MMRN2: variants seen among roughly 807,000 people sequenced by gnomAD.
MMRN2 encodes the protein multimerin-2.
Under a neutral mutation model 68.8 loss-of-function variants are expected in MMRN2, and 53 were observed. The observed-to-expected ratio is 0.77, with a 90% CI of 0.62 to 0.97. MMRN2 has a LOEUF of 0.97. Ranked by LOEUF, MMRN2 falls within the 50% of genes least tolerant of loss-of-function variation. The pLI is 0.00. For missense variants in MMRN2, 1,266 were observed against 1,259.5 expected (o/e 1.01, Z -0.08); for synonymous variants, 564 against 551.6 (o/e 1.02, Z -0.32).
chr10:86,950,248 G>A (rs1256903730), intron 1 of MMRN2, among the ~76,000 whole-genome samples: 1 of 117,050 alleles, frequency 8.5e-6, no homozygotes, highest in East Asian at 2.1e-4. Flanking sequence ...GGCTGAGGCA[G>A]AAGAATCGCT....
At chr10:86,949,472 G>A (rs1844115270) in intron 1 of MMRN2, 2 of 151,420 alleles carry the variant, frequency 1.3e-5, no homozygotes, top group East Asian at 1.9e-4. Flanking sequence ...TGAGGTGGGA[G>A]AACTGCTTGA....
At position 86,936,088 on chromosome 10, in the gene MMRN2, T is replaced by G. The variant is rs1288293323; in HGVS notation, c.*655A>C. The G allele has an allele frequency of 4.5e-6, 1 of 220,466 alleles. No individual in the cohort carries two copies. The highest frequency in any genetic ancestry group is 8.9e-5 in the East Asian group (1 of 11,254). 13.7% of individuals were successfully genotyped at this position (220,466 alleles called of 1,614,324 possible). ...CCTCCACCTGATCTCTCCCTTGATGTGGGGATTATAGGGATTACAATTCAA... is the reference window on the plus strand; with the variant it reads ...CCTCCACCTGATCTCTCCCTTGATGGGGGGATTATAGGGATTACAATTCAA... On this transcript the variant is annotated 3_prime_UTR_variant, in exon 7 of 7. Transcript: ENST00000372027.
intron 4 of MMRN2, 42 bp from the exon 5 acceptor site, chr10:86,944,477 AG>A (rs764568931): frequency 1.2e-6 from 2 of 1,601,320 alleles, no homozygotes; most frequent in South Asian, 2.2e-5. Context: ...CTAACTCACC[AG>A]GCCTGGGAAG....
At chr10:86,954,240 G>A (rs1844185587) in intron 1 of MMRN2, 1 of 152,546 alleles carries the variant, frequency 6.6e-6, no homozygotes, top group South Asian at 2.1e-4. Context: ...GGGCTCCTCT[G>A]GCCTGGTTTG....
At chr10:86,947,770 A>T (rs1844089234) in intron 1 of MMRN2, among the ~76,000 whole-genome samples, 2 of 152,190 alleles carry the variant, frequency 1.3e-5, no homozygotes, top group Non-Finnish European at 2.9e-5. Context: ...CGAGAGGAAA[A>T]GACCCAAAGC....
chr10:86,943,378 A>C lies in MMRN2; in HGVS notation c.1406T>G (p.Leu469Arg). Residue 469 changes from leucine (L) to arginine (R), a missense_variant, in exon 6 of 7, where the codon CTG (leucine) becomes CGG (arginine). By Grantham distance (102) the Leu-to-Arg change is moderately radical. Transcript: ENST00000372027. The surrounding 1 kb of genome is among the most constrained non-coding windows in gnomAD (Gnocchi z 4.2). ...ENKEEVERQL[L>R]ELNLTLQHLQ... ...GTGCTGCAGCGTGAGGTTGAGCTCCAGGAGCTGCCGCTCCACCTCCTCCTT... is the reference window on the plus strand; with the variant it reads ...GTGCTGCAGCGTGAGGTTGAGCTCCCGGAGCTGCCGCTCCACCTCCTCCTT... The C allele has an allele frequency of 6.2e-7, 1 of 1,613,986 alleles. No individual in the cohort carries two copies. Among genetic ancestry groups the C allele is most frequent in the Non-Finnish European group, 8.5e-7 (1 of 1,179,996 alleles).
chr10:86,957,200 G>C (rs1242446784), intron 1 of MMRN2, among the ~76,000 whole-genome samples, 178 bp downstream of exon 1: 1 of 152,228 alleles, frequency 6.6e-6, no homozygotes, highest in Non-Finnish European at 1.5e-5. Context: ...CAATTCTTAG[G>C]TGGATCCTGA....
At chr10:86,939,671 C>CT (rs1308974149) in intron 6 of MMRN2, among the ~76,000 whole-genome samples, 2 of 151,646 alleles carry the variant, frequency 1.3e-5, no homozygotes, top group African/African-American at 2.4e-5. Flanking sequence ...AGAGAGAGAC[C>CT]CCCACCCCAA....
intron 1 of MMRN2, among the ~76,000 whole-genome samples, chr10:86,955,683 G>A (rs961596238): frequency 6.6e-6 from 1 of 152,234 alleles, no homozygotes; most frequent in African/African-American, 2.4e-5. Flanking sequence ...ACAGGAGCAA[G>A]GGAAGTAATC....
At chr10:86,946,879 A>G (rs1844077403) in intron 1 of MMRN2, among the ~76,000 whole-genome samples, 1 of 152,156 alleles carries the variant, frequency 6.6e-6, no homozygotes, top group Non-Finnish European at 1.5e-5. Context: ...ATCTGCAGAG[A>G]CTTTCAGGAG....
rs528440508 is a variant in MMRN2 at position 86,945,829 on chromosome 10, C to G, written c.165-140G>C. 4.0e-6 allele frequency: 6 copies of G among 1,487,380 alleles called. No individual in the cohort carries two copies. The South Asian group carries it at 8.0e-5, about 20-fold the overall frequency. 92.1% of individuals were successfully genotyped at this position (1,487,380 alleles called of 1,614,324 possible). On this transcript the variant is annotated intron_variant, in intron 1 of 6. Coordinates refer to ENST00000372027, the MANE Select transcript of MMRN2 (RefSeq NM_024756.3). ...CCATTATCCTGAGAAGAGAGCCTTC[C>G]GCATTATTCATCCCTGGGCTCCAGA...
chr10:86,949,304 C>G (rs980488412), intron 1 of MMRN2: 1 of 152,164 alleles, frequency 6.6e-6, no homozygotes, highest in Non-Finnish European at 1.5e-5. Context: ...AGAATAAAGA[C>G]ATTTTCAAAC....
At position 86,943,373 on chromosome 10, in the gene MMRN2, G is replaced by A. The variant is rs1278736873; in HGVS notation, c.1411C>T (p.Leu471Phe). Residue 471 changes from leucine (L) to phenylalanine (F), a missense_variant, in exon 6 of 7, where the codon CTC becomes TTC. Leu to Phe is a conservative substitution (Grantham distance 22). Transcript: ENST00000372027. The surrounding 1 kb of genome is among the most constrained non-coding windows in gnomAD (Gnocchi z 4.2). ...TGCAGGTGCTGCAGCGTGAGGTTGA[G>A]CTCCAGGAGCTGCCGCTCCACCTCC... is the stretch of plus-strand genomic sequence containing the variant. ...KEEVERQLLELNLTLQHLQGG... is the reference protein window; with the variant it reads ...KEEVERQLLEFNLTLQHLQGG... 1 of 1,614,024 alleles carries A rather than the reference G, an allele frequency of 6.2e-7. No individual in the cohort carries two copies. The highest frequency in any genetic ancestry group is 1.3e-5 in the African/African-American group (1 of 75,070).
chr10:86,943,899 G>A lies in MMRN2; in HGVS notation c.885C>T (p.Ala295=), dbSNP rs778286557. The change falls in exon 6 of 7, where the codon GCC becomes GCT. Residue 295 remains alanine, a synonymous_variant. Coordinates refer to ENST00000372027, the MANE Select transcript of MMRN2 (RefSeq NM_024756.3). This position sits in a 1 kb window ranked among gnomAD's most constrained non-coding sequence, Gnocchi z 4.2. ...DFQELGAKFE[A]KVQENTQRVG... ...CTCTCTGAGTGTTCTCCTGGACCTT[G>A]GCCTCAAATTTGGCACCAAGCTCCT... 2.5e-6 allele frequency: 4 copies of A among 1,614,054 alleles called. No individual in the cohort carries two copies. Among genetic ancestry groups the A allele is most frequent in the Non-Finnish European group, 3.4e-6 (4 of 1,180,034 alleles).
intron 3 of MMRN2, 30 bp downstream of exon 3, chr10:86,945,340 A>AG (rs1844049888): frequency 1.2e-6 from 2 of 1,605,422 alleles, no homozygotes; most frequent in Non-Finnish European, 1.7e-6. Context: ...TCAGAGGTCA[A>AG]GGGGGGAAGG....
At chr10:86,947,560 A>T (rs1305849267) in intron 1 of MMRN2, among the ~76,000 whole-genome samples, 1 of 151,632 alleles carries the variant, frequency 6.6e-6, no homozygotes, top group African/African-American at 2.4e-5. Flanking sequence ...TTTAGTAGAG[A>T]CGGGGTTTCA....
Position 86,936,536 on chromosome 10 carries a change from G to A in MMRN2, c.*207C>T, listed in dbSNP as rs759318585. On this transcript the variant is annotated 3_prime_UTR_variant, in exon 7 of 7. Coordinates refer to ENST00000372027, the MANE Select transcript of MMRN2 (RefSeq NM_024756.3). ...GGCTTCCTAGGACCATGTCCTGCCC[G>A]GAGAAGCATTCCAGTCCTTCTCATC... 13 of 628,508 alleles carry A rather than the reference G, an allele frequency of 2.1e-5. No homozygotes were observed. The Admixed American group carries it at 2.3e-4, about 11-fold the overall frequency. The allele number at this position is 628,508 out of a possible 1,614,324, so 38.9% of individuals were successfully genotyped here. A position where few individuals can be genotyped will look rare whatever the true frequency, so the allele number is the denominator to read the frequency against.
intron 1 of MMRN2, among the ~76,000 whole-genome samples, chr10:86,947,424 G>A (rs904872448): frequency 2.6e-5 from 4 of 151,982 alleles, no homozygotes; most frequent in African/African-American, 9.7e-5. Context: ...CTGGAGTGCA[G>A]TGGTGCAATC....
chr10:86,946,450 C>T (rs1235980824), intron 1 of MMRN2, among the ~76,000 whole-genome samples: 1 of 152,202 alleles, frequency 6.6e-6, no homozygotes, highest in Admixed American at 6.5e-5. Flanking sequence ...CTGGGTGGAG[C>T]AGTGTCCTCT....
Sources: gnomAD v4.1 joint callset for allele counts (sites outside exome capture counted in the v4.1 genomes callset) on GRCh38, gnomAD v4.1.1 for gene constraint, Gnocchi (gnomAD v3.1) non-coding constraint, MANE v1.5 for transcripts, NCBI Gene and HGNC (gene_info 2026-07-23, HGNC 2026-07-21) for gene names.